KSR2: variants seen among roughly 807,000 people sequenced by gnomAD.
The protein encoded by KSR2 is kinase suppressor of ras 2.
KSR2 carries 25 observed loss-of-function variants against 107.8 expected under a neutral mutation model. The observed-to-expected ratio is 0.23, with a 90% CI of 0.17 to 0.32. The LOEUF is 0.32. Ranked by LOEUF, KSR2 falls within the 10% of genes least tolerant of loss-of-function variation. The pLI is 1.00. For synonymous variants in KSR2, 480 were observed against 507.0 expected, an observed-to-expected ratio of 0.95 and a Z score of 0.71; for missense variants, 887 against 1,268.9, an observed-to-expected ratio of 0.70 and a Z score of 4.57.
chr12:117,582,232 C>A (rs1875142), intron 6 of KSR2, 58 bp downstream of exon 6: 111,298 of 1,457,264 alleles, frequency 0.076, 4,739 homozygotes, highest in Middle Eastern at 0.093. Flanking sequence ...GGGGCCAGAG[C>A]CCCCACCCCT....
chr12:117,660,102 A>T (rs1178925855), intron 5 of KSR2, among the ~76,000 whole-genome samples: 1 of 152,180 alleles, frequency 6.6e-6, no homozygotes, highest in Non-Finnish European at 1.5e-5. Flanking sequence ...TCCAGCTGGC[A>T]TTTAAGGTGA....
At chr12:117,555,097 C>A in intron 9 of KSR2, 72 bp downstream of exon 9, 1 of 1,593,912 alleles carries the variant, frequency 6.3e-7, no homozygotes, top group Non-Finnish European at 8.6e-7. Context: ...CAGATCAACC[C>A]TTCCTCCCTC....
intron 1 of KSR2, among the ~76,000 whole-genome samples, chr12:117,926,364 C>T: frequency 6.6e-6 from 1 of 152,222 alleles, no homozygotes; most frequent in South Asian, 2.1e-4. Flanking sequence ...CTGTAAGCAC[C>T]AACCATTACG....
chr12:117,632,517 T>C (rs1401294213), intron 5 of KSR2, among the ~76,000 whole-genome samples: 3 of 152,090 alleles, frequency 2.0e-5, no homozygotes, highest in Non-Finnish European at 4.4e-5. Context: ...TGAGCCACCA[T>C]GCCCTGCCAC....
intron 3 of KSR2, among the ~76,000 whole-genome samples, chr12:117,846,765 C>A (rs989983079): frequency 6.6e-6 from 1 of 152,176 alleles, no homozygotes; most frequent in African/African-American, 2.4e-5. Flanking sequence ...CTCCTGAGAA[C>A]GAAGAAGGGA....
chr12:117,938,095 G>A (rs1895900664), intron 1 of KSR2, among the ~76,000 whole-genome samples: 1 of 151,684 alleles, frequency 6.6e-6, no homozygotes, highest in Admixed American at 6.6e-5. Flanking sequence ...TGTTCCTGCT[G>A]CTTGGAACAC....
chr12:117,939,525 A>T (rs1211730219), intron 1 of KSR2, among the ~76,000 whole-genome samples: 1 of 152,132 alleles, frequency 6.6e-6, no homozygotes, highest in Non-Finnish European at 1.5e-5. Flanking sequence ...AGCCTGACCA[A>T]CATAGTGAAA....
chr12:117,640,836 TTGAC>T (rs1473939887), intron 5 of KSR2, among the ~76,000 whole-genome samples: 2 of 152,166 alleles, frequency 1.3e-5, no homozygotes, highest in African/African-American at 4.8e-5. Context: ...CTCGAACACA[TTGAC>T]TGATGAGCAA....
At chr12:117,879,843 G>A (rs535996124) in intron 1 of KSR2, among the ~76,000 whole-genome samples, 11 of 152,232 alleles carry the variant, frequency 7.2e-5, no homozygotes, top group Non-Finnish European at 1.5e-4. Context: ...ATACCTGATT[G>A]CTGGATTTTG....
chr12:117,857,272 C>T (rs975126787), intron 2 of KSR2, among the ~76,000 whole-genome samples: 3 of 152,084 alleles, frequency 2.0e-5, no homozygotes, highest in African/African-American at 7.2e-5. Context: ...GTTGCCCAGG[C>T]TGGTCTCGAA....
intron 3 of KSR2, among the ~76,000 whole-genome samples, chr12:117,841,323 G>A (rs139218544): frequency 3.9e-5 from 6 of 152,144 alleles, no homozygotes; most frequent in East Asian, 1.9e-4. Flanking sequence ...ATAATCATGC[G>A]CCCACAGAAG....
chr12:117,735,382 G>T (rs1473514389), intron 4 of KSR2, among the ~76,000 whole-genome samples: 1 of 152,124 alleles, frequency 6.6e-6, no homozygotes, highest in East Asian at 1.9e-4. Context: ...GTGGCCAAGC[G>T]GAGAGAGAAG....
intron 14 of KSR2, among the ~76,000 whole-genome samples, chr12:117,500,889 C>A (rs942873928): frequency 2.0e-5 from 3 of 152,250 alleles, no homozygotes; most frequent in Non-Finnish European, 2.9e-5. Context: ...AGGCCTCGAG[C>A]GCTGGGCCAC....
intron 3 of KSR2, among the ~76,000 whole-genome samples, chr12:117,783,338 G>A (rs899280228): frequency 5.9e-5 from 9 of 152,170 alleles, no homozygotes; most frequent in South Asian, 2.1e-4. Context: ...TCATGTCAAC[G>A]CATTGAGCAA....
At chr12:117,961,988 T>A (rs921817465) in intron 1 of KSR2, among the ~76,000 whole-genome samples, 2 of 151,746 alleles carry the variant, frequency 1.3e-5, no homozygotes, top group African/African-American at 4.8e-5. Flanking sequence ...CTATAAAAAA[T>A]TTTTAAATTA....
At chr12:117,555,794 C>A (rs910901019) in intron 8 of KSR2, among the ~76,000 whole-genome samples, 1 of 152,220 alleles carries the variant, frequency 6.6e-6, no homozygotes. Context: ...TTCTAGGAAG[C>A]TAGGCACATA....
chr12:117,652,637 C>T (rs1407931769), intron 5 of KSR2, among the ~76,000 whole-genome samples: 1 of 152,162 alleles, frequency 6.6e-6, no homozygotes. Flanking sequence ...TTTCTCCCAT[C>T]CTTCCCCAAG....
chr12:117,469,521 AG>A, intron 19 of KSR2, 140 bp downstream of exon 19: 1 of 932,494 alleles, frequency 1.1e-6, no homozygotes, highest in Non-Finnish European at 1.6e-6. Flanking sequence ...GAAACCTAGT[AG>A]GGAAGAGTGG....
chr12:117,596,094 A>G (rs538106929), intron 5 of KSR2, among the ~76,000 whole-genome samples: 1 of 148,548 alleles, frequency 6.7e-6, no homozygotes, highest in South Asian at 2.1e-4. Flanking sequence ...CATGCTGCCA[A>G]TAAAGACATA....
Sources: gnomAD v4.1 joint callset for allele counts (sites outside exome capture counted in the v4.1 genomes callset) on GRCh38, gnomAD v4.1.1 for gene constraint, MANE v1.5 for transcripts, NCBI Gene and HGNC (gene_info 2026-07-23, HGNC 2026-07-21) for gene names.